The following CCDC85A variants were observed in gnomAD, a reference collection of about 807,000 sequenced individuals.
CCDC85A encodes coiled-coil domain containing 85A.
Under a neutral mutation model 50.2 loss-of-function variants are expected in CCDC85A, and 38 were observed. The ratio of observed to expected loss-of-function variants is 0.76; its 90% CI spans 0.58 to 0.99. The LOEUF (loss-of-function observed/expected upper bound fraction) is 0.99. CCDC85A is among the 50% of genes least tolerant of loss of function. The pLI is 0.00. For missense variants in CCDC85A, 820 were observed against 742.0 expected (o/e 1.11, Z -1.22); for synonymous variants, 366 against 301.4 (o/e 1.21, Z -2.22).
intron 2 of CCDC85A, among the ~76,000 whole-genome samples, chr2:56,219,253 A>G (rs183614308): frequency 6.7e-6 from 1 of 148,758 alleles, no homozygotes; most frequent in South Asian, 2.2e-4. Context: ...AAGATGAATA[A>G]TACAGTATTT....
chr2:56,287,104 G>A (rs1215754563), intron 2 of CCDC85A, among the ~76,000 whole-genome samples: 1 of 152,146 alleles, frequency 6.6e-6, no homozygotes, highest in Non-Finnish European at 1.5e-5. Context: ...TATGACATCT[G>A]GTGTTTTTGT....
intron 2 of CCDC85A, among the ~76,000 whole-genome samples, chr2:56,256,095 C>T (rs906713994): frequency 1.3e-5 from 2 of 152,130 alleles, no homozygotes; most frequent in East Asian, 3.9e-4. Flanking sequence ...CATGGCAGGA[C>T]TGCAAATTCA....
chr2:56,371,387 C>CA (rs919425653), intron 3 of CCDC85A, among the ~76,000 whole-genome samples: 1 of 151,620 alleles, frequency 6.6e-6, no homozygotes, highest in African/African-American at 2.4e-5. Flanking sequence ...CCGCTAACTT[C>CA]AAAAAAAATG....
chr2:56,381,486 A>G (rs11887467), intron 5 of CCDC85A, among the ~76,000 whole-genome samples: 12,238 of 152,044 alleles, frequency 0.08, 610 homozygotes, highest in African/African-American at 0.15. Context: ...TTACCATCAG[A>G]CCTCAGGCAA....
intron 3 of CCDC85A, among the ~76,000 whole-genome samples, chr2:56,347,213 C>T (rs1033240741): frequency 6.6e-6 from 1 of 152,156 alleles, no homozygotes; most frequent in Admixed American, 6.5e-5. Flanking sequence ...TAGGACAACC[C>T]CCCTTTTCAG....
intron 2 of CCDC85A, among the ~76,000 whole-genome samples, chr2:56,300,614 CT>C (rs1672158437): frequency 6.6e-6 from 1 of 152,180 alleles, no homozygotes; most frequent in African/African-American, 2.4e-5. Context: ...AGGCATGCTG[CT>C]GCCTGACTTT....
At chr2:56,257,888 AG>A (rs1233332077) in intron 2 of CCDC85A, among the ~76,000 whole-genome samples, 1 of 152,202 alleles carries the variant, frequency 6.6e-6, no homozygotes, top group African/African-American at 2.4e-5. Flanking sequence ...CAACTGATGG[AG>A]GGGGAGAGAA....
chr2:56,360,396 T>G (rs1675465308), intron 3 of CCDC85A, among the ~76,000 whole-genome samples: 1 of 152,216 alleles, frequency 6.6e-6, no homozygotes, highest in Admixed American at 6.5e-5. Context: ...CTCATTAGTC[T>G]TTGGGTTATT....
intron 2 of CCDC85A, among the ~76,000 whole-genome samples, chr2:56,225,842 G>C (rs770248581): frequency 6.6e-6 from 1 of 152,074 alleles, no homozygotes; most frequent in Non-Finnish European, 1.5e-5. Context: ...TTGTCTCAAG[G>C]CTTCATAGCG....
At chr2:56,321,712 A>G (rs1673198571) in intron 2 of CCDC85A, among the ~76,000 whole-genome samples, 1 of 152,220 alleles carries the variant, frequency 6.6e-6, no homozygotes, top group Non-Finnish European at 1.5e-5. Context: ...AAATGGCCAT[A>G]TGGCCCAAGG....
chr2:56,302,985 G>T (rs890455763), intron 2 of CCDC85A, among the ~76,000 whole-genome samples: 1 of 152,150 alleles, frequency 6.6e-6, no homozygotes, highest in African/African-American at 2.4e-5. Context: ...GGTGTGCTCA[G>T]TGTCATGCCT....
At chr2:56,295,743 T>C (rs1671919627) in intron 2 of CCDC85A, among the ~76,000 whole-genome samples, 1 of 152,202 alleles carries the variant, frequency 6.6e-6, no homozygotes, top group Non-Finnish European at 1.5e-5. Context: ...CATTATCTAG[T>C]GTCAGGAAAC....
intron 2 of CCDC85A, among the ~76,000 whole-genome samples, chr2:56,260,307 G>T (rs775925431): frequency 2.0e-5 from 3 of 152,278 alleles, no homozygotes; most frequent in African/African-American, 4.8e-5. Context: ...TTTTCCCAGG[G>T]ATCTCAGCTA....
chr2:56,244,827 T>C (rs1669427148), intron 2 of CCDC85A, among the ~76,000 whole-genome samples: 1 of 152,020 alleles, frequency 6.6e-6, no homozygotes, highest in Non-Finnish European at 1.5e-5. Context: ...AGCAGTGGGT[T>C]CCCTTCTGGC....
chr2:56,375,465 C>T (rs1181134429), intron 4 of CCDC85A, among the ~76,000 whole-genome samples: 2 of 152,184 alleles, frequency 1.3e-5, no homozygotes, highest in Non-Finnish European at 2.9e-5. Context: ...ATTTGGCTTG[C>T]TGAGTGAGCA....
chr2:56,186,969 C>G (rs541396622), intron 1 of CCDC85A, among the ~76,000 whole-genome samples: 1 of 152,164 alleles, frequency 6.6e-6, no homozygotes, highest in Non-Finnish European at 1.5e-5. Flanking sequence ...AGCTTCTACT[C>G]TTCTCATGTC....
chr2:56,378,762 G>A (rs921049890), intron 5 of CCDC85A, among the ~76,000 whole-genome samples: 3 of 152,134 alleles, frequency 2.0e-5, no homozygotes, highest in African/African-American at 7.2e-5. Flanking sequence ...ATTTAGTTTG[G>A]CTCAATTGGT....
rs552402545 is a variant in CCDC85A at position 56,324,384 on chromosome 2, T to G, written c.1241-18495T>G. 7.2e-5 allele frequency among the ~76,000 whole-genome samples: 11 copies of G among 152,124 alleles called. No individual in the cohort carries two copies. The South Asian group carries it at 2.3e-3, about 32-fold the overall frequency. On this transcript the variant is annotated intron_variant, in intron 2 of 5. Coordinates refer to ENST00000407595, the MANE Select transcript of CCDC85A (RefSeq NM_001080433.2). The stretch of plus-strand genomic sequence containing the variant: ...AATTCTTTTTATACAGTGGTGATGC[T>G]CCCTATAGCTATGTACTCCCTGAGG...
In CCDC85A at chr2:56,288,963, A is replaced by G. The variant is rs191669329; in HGVS notation, c.1241-53916A>G. ...GAGCCTTATGACCCTTTAGTTGCTG[A>G]TAGTTTCACTAACATGGCAGTAAGA... On this transcript the variant is annotated intron_variant, in intron 2 of 5. Transcript: ENST00000407595. Among the ~76,000 whole-genome samples, 21 of 152,298 alleles carry G rather than the reference A, an allele frequency of 1.4e-4. No homozygotes were observed. The East Asian group carries it at 2.1e-3, about 15-fold the overall frequency.
Sources: gnomAD v4.1 joint callset for allele counts (sites outside exome capture counted in the v4.1 genomes callset) on GRCh38, gnomAD v4.1.1 for gene constraint, MANE v1.5 for transcripts, NCBI Gene and HGNC (gene_info 2026-07-23, HGNC 2026-07-21) for gene names.